The following UXS1 variants were observed in gnomAD, a reference collection of about 807,000 sequenced individuals.
The protein encoded by UXS1 is UDP-glucuronic acid decarboxylase 1.
UXS1 carries 33 observed loss-of-function variants against 62.6 expected under a neutral mutation model. The ratio of observed to expected loss-of-function variants is 0.53; its 90% CI spans 0.40 to 0.70. The LOEUF is 0.70. Among genes scored for constraint, UXS1 ranks in the 30% least tolerant of loss-of-function variants. The probability of loss-of-function intolerance (pLI) is 0.00; values close to 1 mark genes in which losing one functional copy is unlikely to be tolerated. For synonymous variants in UXS1, 213 were observed against 206.8 expected, an observed-to-expected ratio of 1.03 and a Z score of -0.26; for missense variants, 434 against 556.3, an observed-to-expected ratio of 0.78 and a Z score of 2.21.
chr2:106,109,918 T>G (rs1678441417), intron 10 of UXS1, among the ~76,000 whole-genome samples: 1 of 152,132 alleles, frequency 6.6e-6, no homozygotes, highest in South Asian at 2.1e-4. Flanking sequence ...TTGTCGGAAA[T>G]GTAGCAGAAA....
rs1050048502 is a variant in UXS1, at chr2:106,121,858, G to A, written c.759+1112C>T. 4.6e-5 allele frequency among the ~76,000 whole-genome samples: 7 copies of A among 152,190 alleles called. 2 individuals are homozygous for A. The South Asian group carries it at 8.3e-4, about 18-fold the overall frequency. On this transcript the variant is annotated intron_variant, in intron 9 of 14. Transcript: ENST00000283148. ...TCGACATTCTCTCCTACCCCTCAGA[G>A]AGCCTACCTGGCTTTACATTGCCCT...
At chr2:106,101,358 G>A in intron 11 of UXS1, 2 of 497,196 alleles carry the variant, frequency 4.0e-6, no homozygotes, top group Non-Finnish European at 7.1e-6. Flanking sequence ...GTGTGGTGGA[G>A]ATAGTTAAAT....
Position 106,163,660 on chromosome 2 carries a change from C to T in UXS1, c.230+7G>A. The T allele has an allele frequency of 6.8e-7, 1 of 1,464,566 alleles. No homozygotes were observed. The highest frequency in any genetic ancestry group is 9.1e-7 in the Non-Finnish European group (1 of 1,100,952). The allele number at this position is 1,464,566 out of a possible 1,614,324, so 90.7% of individuals were successfully genotyped here. A position where few individuals can be genotyped will look rare whatever the true frequency, so the allele number is the denominator to read the frequency against. On this transcript the variant is annotated splice_region_variant and intron_variant, in intron 4 of 14. Coordinates refer to ENST00000283148, the MANE Select transcript of UXS1 (RefSeq NM_001253875.2). ...ACTATTGACTTTAAGACAAAAAGTA[C>T]ACATACCTTTTTTCTAAATCTCTGA...
intron 1 of UXS1, among the ~76,000 whole-genome samples, chr2:106,188,819 A>G (rs555123238): frequency 3.9e-5 from 6 of 152,380 alleles, no homozygotes; most frequent in African/African-American, 1.2e-4. Flanking sequence ...ACGGGAAGGC[A>G]GCCTAGAGGA....
chr2:106,097,493 G>C (rs1002694064), intron 13 of UXS1: 2 of 336,386 alleles, frequency 5.9e-6, no homozygotes, highest in Admixed American at 7.6e-5. Context: ...ACCACCACAG[G>C]TGGTTCAGGA....
At chr2:106,118,223 T>TTTTTCCA in intron 9 of UXS1, among the ~76,000 whole-genome samples, 1 of 4,650 alleles carries the variant, frequency 2.2e-4, no homozygotes, top group African/African-American at 4.1e-4. Flanking sequence ...GGCTGCTTAC[T>TTTTTCCA]TTTTTTTTTT....
At chr2:106,144,730 G>GTCC (rs1324593332) in intron 6 of UXS1, among the ~76,000 whole-genome samples, 1 of 152,144 alleles carries the variant, frequency 6.6e-6, no homozygotes, top group Non-Finnish European at 1.5e-5. Context: ...TTCTCGCCAC[G>GTCC]TCCTCACACG....
intron 6 of UXS1, chr2:106,138,717 G>T (rs981196902): frequency 3.0e-6 from 3 of 985,410 alleles, no homozygotes; most frequent in Non-Finnish European, 3.6e-6. Context: ...GCTGAGGGCC[G>T]CCCCATCAGA....
intron 11 of UXS1, among the ~76,000 whole-genome samples, chr2:106,104,426 C>G (rs1222762641): frequency 6.6e-6 from 1 of 152,212 alleles, no homozygotes; most frequent in East Asian, 1.9e-4. Context: ...ACCCCGCGAG[C>G]CATGTTTGCA....
chr2:106,124,170 T>A (rs1387756714), intron 8 of UXS1, among the ~76,000 whole-genome samples: 1 of 152,182 alleles, frequency 6.6e-6, no homozygotes, highest in African/African-American at 2.4e-5. Context: ...ACCATTGACT[T>A]AAATTCACAG....
chr2:106,120,576 A>C (rs1458913863), intron 9 of UXS1, among the ~76,000 whole-genome samples: 1 of 152,204 alleles, frequency 6.6e-6, no homozygotes, highest in African/African-American at 2.4e-5. Context: ...AGCCCCAATG[A>C]AACTACAGTT....
At chr2:106,113,666 G>GT (rs1678814655) in intron 9 of UXS1, among the ~76,000 whole-genome samples, 1 of 152,214 alleles carries the variant, frequency 6.6e-6, no homozygotes, top group Admixed American at 6.5e-5. Flanking sequence ...CTTTTACAGT[G>GT]TATACGTATC....
chr2:106,159,091 C>G (rs527326475), intron 4 of UXS1: 1 of 152,342 alleles, frequency 6.6e-6, no homozygotes, highest in African/African-American at 2.4e-5. Context: ...AGAAACCTCG[C>G]CCATTCTCAC....
At chr2:106,184,907 C>A (rs1420160189) in intron 1 of UXS1, among the ~76,000 whole-genome samples, 1 of 152,186 alleles carries the variant, frequency 6.6e-6, no homozygotes, top group Non-Finnish European at 1.5e-5. Context: ...TCAGGCCACA[C>A]GGGCCAACCC....
intron 6 of UXS1, among the ~76,000 whole-genome samples, chr2:106,140,655 T>C (rs748961465): frequency 6.7e-6 from 1 of 149,878 alleles, no homozygotes; most frequent in Non-Finnish European, 1.5e-5. Context: ...TCCTCACCTA[T>C]AAAATGAAGA....
intron 10 of UXS1, among the ~76,000 whole-genome samples, chr2:106,111,414 G>A (rs1678597469): frequency 6.6e-6 from 1 of 152,174 alleles, no homozygotes; most frequent in African/African-American, 2.4e-5. Flanking sequence ...TGCACTCAGC[G>A]AAACTCAGCT....
chr2:106,099,748 G>A (rs1319945446), intron 12 of UXS1, among the ~76,000 whole-genome samples: 3 of 152,124 alleles, frequency 2.0e-5, no homozygotes, highest in South Asian at 4.1e-4. Context: ...GGGGCGCCTC[G>A]GGCCTCTCCA....
At chr2:106,138,798 G>A (rs918357629) in intron 6 of UXS1, 4 of 985,320 alleles carry the variant, frequency 4.1e-6, no homozygotes, top group Non-Finnish European at 4.8e-6. Flanking sequence ...AAAACCCTAT[G>A]AAAATCAAAG....
At chr2:106,167,210 C>T (rs968632587) in intron 1 of UXS1, among the ~76,000 whole-genome samples, 1 of 152,220 alleles carries the variant, frequency 6.6e-6, no homozygotes, top group African/African-American at 2.4e-5. Context: ...ATTCTTTCTA[C>T]GGAAGCCTTT....
Sources: allele counts gnomAD v4.1 joint callset (sites outside exome capture counted in the v4.1 genomes callset), GRCh38; gene constraint gnomAD v4.1.1; transcripts MANE v1.5; gene names NCBI Gene and HGNC (gene_info 2026-07-23, HGNC 2026-07-21).